HECW1: variants seen among roughly 807,000 people sequenced by gnomAD.
HECW1 encodes HECT, C2 and WW domain containing E3 ubiquitin protein ligase 1.
In HECW1, 61 loss-of-function variants were observed where a neutral mutation model predicts 182.3. The observed-to-expected ratio is 0.33, with a 90% confidence interval of 0.27 to 0.41. HECW1 has a LOEUF of 0.41. Among genes scored for constraint, HECW1 ranks in the 10% least tolerant of loss-of-function variants. The probability of loss-of-function intolerance (pLI) is 1.00; values close to 1 mark genes in which losing one functional copy is unlikely to be tolerated. For missense variants in HECW1, 1,739 were observed against 2,108.9 expected (o/e 0.82, Z 3.44); for synonymous variants, 859 against 832.6 (o/e 1.03, Z -0.55).
intron 4 of HECW1, among the ~76,000 whole-genome samples, chr7:43,319,290 G>A (rs1809733338): frequency 1.3e-5 from 2 of 150,312 alleles, no homozygotes; most frequent in South Asian, 4.4e-4. Flanking sequence ...GGGAGGCTGA[G>A]GCAGGAGAAT....
At chr7:43,520,729 G>A (rs1585176956) in intron 24 of HECW1, among the ~76,000 whole-genome samples, 1 of 152,044 alleles carries the variant, frequency 6.6e-6, no homozygotes, top group South Asian at 2.1e-4. Flanking sequence ...AGACGAAAGT[G>A]AAGCCTTGCC....
chr7:43,512,429 A>C (rs1010549374), intron 24 of HECW1, among the ~76,000 whole-genome samples: 5 of 152,198 alleles, frequency 3.3e-5, no homozygotes, highest in Non-Finnish European at 7.4e-5. Context: ...CAAAAATAGA[A>C]ATTTTATTCT....
At chr7:43,123,184 C>T (rs1314585689) in intron 2 of HECW1, among the ~76,000 whole-genome samples, 1 of 152,298 alleles carries the variant, frequency 6.6e-6, no homozygotes, top group South Asian at 2.1e-4. Context: ...GCCATTACCA[C>T]GATGAATGAA....
rs147408665 is a variant in HECW1, at chr7:43,363,875, G to A, written c.555+2895G>A. Among the ~76,000 whole-genome samples the A allele has an allele frequency of 3.0e-3, 459 of 152,248 alleles. 3 individuals are homozygous for A. The highest frequency in any genetic ancestry group is 0.019 in the East Asian group (99 of 5,172). Reference sequence around the variant, plus strand: ...TGGTGATGGAGCAGAACCACATTTCGCTTATACTTTTTGCAACCCAGCTCA... The same window carrying A: ...TGGTGATGGAGCAGAACCACATTTCACTTATACTTTTTGCAACCCAGCTCA... On this transcript the variant is annotated intron_variant, in intron 6 of 29. Coordinates refer to ENST00000395891, the MANE Select transcript of HECW1 (RefSeq NM_015052.5).
rs1327358765 is a variant in HECW1 at position 43,202,737 on chromosome 7, A to G, written c.-31-41138A>G. Among the ~76,000 whole-genome samples the G allele has an allele frequency of 2.6e-5, 4 of 152,186 alleles. No homozygotes were observed. In the South Asian group the frequency reaches 8.3e-4, roughly 32 times the overall value. The stretch of plus-strand genomic sequence containing the variant: ...CAGGCCTCTGAGCCCAAGCTAAGCC[A>G]TCATATCCCCTGTGACCTGCATGTA... On this transcript the variant is annotated intron_variant, in intron 2 of 29. Transcript: ENST00000395891.
At chr7:43,507,980 C>T (rs1294329777) in intron 22 of HECW1, 38 bp from the exon 23 acceptor site, 3 of 1,466,252 alleles carry the variant, frequency 2.0e-6, no homozygotes, top group African/African-American at 2.8e-5. Flanking sequence ...AGCATCCTGA[C>T]TTCAGGGCCA....
rs142514691 is a variant in HECW1 at position 43,332,973 on chromosome 7, G to C, written c.460+12231G>C. ...AGGTAACAAACAAGTGATAGGACTG[G>C]GATGGGAACCAAGACAGCCTGCCTT... On this transcript the variant is annotated intron_variant, in intron 5 of 29. Transcript: ENST00000395891. 4.3e-3 allele frequency among the ~76,000 whole-genome samples: 658 copies of C among 152,262 alleles called. 4 individuals carry two copies. Among genetic ancestry groups the C allele is most frequent in the Middle Eastern group, 0.01 (3 of 294 alleles).
chr7:43,416,279 T>A (rs2075992096), intron 8 of HECW1, among the ~76,000 whole-genome samples: 1 of 151,004 alleles, frequency 6.6e-6, no homozygotes, highest in Non-Finnish European at 1.5e-5. Flanking sequence ...TCTGTTGGAG[T>A]ACCCTGCTGT....
At chr7:43,483,961 G>C (rs1051284160) in intron 17 of HECW1, among the ~76,000 whole-genome samples, 2 of 152,134 alleles carry the variant, frequency 1.3e-5, no homozygotes, top group African/African-American at 4.8e-5. Context: ...AGATGGAAGG[G>C]GATGAGGCCG....
At position 43,500,849 on chromosome 7, in the gene HECW1, C is replaced by T. The variant is rs531330169; in HGVS notation, c.3521+67C>T. 6.7e-5 allele frequency: 88 copies of T among 1,310,502 alleles called. No homozygotes were observed. In the East Asian group the frequency reaches 1.9e-3, roughly 29 times the overall value. 81.2% of individuals were successfully genotyped at this position (1,310,502 alleles called of 1,614,324 possible). On this transcript the variant is annotated intron_variant, in intron 20 of 29. Coordinates refer to ENST00000395891, the MANE Select transcript of HECW1 (RefSeq NM_015052.5). ...GGGCAGCTCTCCTCCATCACGGCCA[C>T]CCTGAAAATGGCCTAGACTGAAAAA...
chr7:43,394,228 C>T (rs73101306), intron 6 of HECW1, among the ~76,000 whole-genome samples: 2,940 of 152,228 alleles, frequency 0.019, 71 homozygotes, highest in African/African-American at 0.059. Context: ...TGGCCACCTT[C>T]AGAGTTAAGA....
chr7:43,287,321 G>T (rs1014825880), intron 3 of HECW1, among the ~76,000 whole-genome samples: 1 of 152,104 alleles, frequency 6.6e-6, no homozygotes, highest in African/African-American at 2.4e-5. Context: ...ATGTCTGGGG[G>T]TGCACATTCC....
intron 3 of HECW1, among the ~76,000 whole-genome samples, chr7:43,306,205 G>A (rs1807543815): frequency 6.6e-6 from 1 of 152,242 alleles, no homozygotes; most frequent in South Asian, 2.1e-4. Context: ...CCTTGATAAT[G>A]TTTTAATGAG....
intron 24 of HECW1, among the ~76,000 whole-genome samples, chr7:43,520,762 T>C (rs963671845): frequency 6.6e-6 from 1 of 152,138 alleles, no homozygotes; most frequent in Admixed American, 6.6e-5. Context: ...GGGTGCCTGG[T>C]TCACTGAGCC....
intron 3 of HECW1, among the ~76,000 whole-genome samples, chr7:43,254,418 T>C (rs1335141707): frequency 1.3e-5 from 2 of 152,264 alleles, no homozygotes; most frequent in African/African-American, 4.8e-5. Context: ...TTCAGGTAAT[T>C]AATTTTATGA....
chr7:43,173,682 A>G (rs932297039), intron 2 of HECW1, among the ~76,000 whole-genome samples: 2 of 152,186 alleles, frequency 1.3e-5, no homozygotes, highest in African/African-American at 2.4e-5. Flanking sequence ...GAGCTCAGGC[A>G]GTAATGCTTT....
intron 2 of HECW1, among the ~76,000 whole-genome samples, chr7:43,155,071 A>G (rs1789732655): frequency 6.6e-6 from 1 of 152,180 alleles, no homozygotes; most frequent in South Asian, 2.1e-4. Flanking sequence ...CTTTCAAGTC[A>G]TGGAGTAAAT....
chr7:43,369,505 A>C (rs6979521), intron 6 of HECW1, among the ~76,000 whole-genome samples: 11,254 of 152,254 alleles, frequency 0.074, 507 homozygotes, highest in South Asian at 0.12. Context: ...CAGTCTTGGT[A>C]CTGTTAAAAG....
intron 6 of HECW1, among the ~76,000 whole-genome samples, chr7:43,361,540 C>T (rs1417320679): frequency 2.6e-5 from 4 of 152,138 alleles, no homozygotes; most frequent in African/African-American, 9.7e-5. Flanking sequence ...TCACAGAACT[C>T]GTTGCAGATC....
Sources: allele counts gnomAD v4.1 joint callset (sites outside exome capture counted in the v4.1 genomes callset), GRCh38; gene constraint gnomAD v4.1.1; transcripts MANE v1.5; gene names NCBI Gene and HGNC (gene_info 2026-07-23, HGNC 2026-07-21).